The following ARHGAP17 variants were observed in gnomAD, a reference collection of about 807,000 sequenced individuals.
ARHGAP17 encodes the protein Rho GTPase activating protein 17.
ARHGAP17 carries 57 observed loss-of-function variants against 99.5 expected under a neutral mutation model. The observed-to-expected ratio is 0.57, with a 90% CI of 0.46 to 0.71. ARHGAP17 has a LOEUF of 0.71. Ranked by LOEUF, ARHGAP17 falls within the 30% of genes least tolerant of loss-of-function variation. The probability of loss-of-function intolerance (pLI) is 0.00; values close to 1 mark genes in which losing one functional copy is unlikely to be tolerated. For missense variants in ARHGAP17, 1,000 were observed against 1,122.4 expected (o/e 0.89, Z 1.56); for synonymous variants, 417 against 429.6 (o/e 0.97, Z 0.36).
chr16:24,951,522 G>A (rs1421144526), intron 12 of ARHGAP17, among the ~76,000 whole-genome samples: 1 of 152,000 alleles, frequency 6.6e-6, no homozygotes, highest in Non-Finnish European at 1.5e-5. Context: ...GGAGATCTCG[G>A]ACAATCTGAA....
intron 1 of ARHGAP17, among the ~76,000 whole-genome samples, chr16:24,999,843 A>T (rs1280846664): frequency 2.6e-5 from 4 of 152,152 alleles, no homozygotes; most frequent in Non-Finnish European, 5.9e-5. Flanking sequence ...GCTTTAACCC[A>T]TTTGGAATGT....
intron 1 of ARHGAP17, among the ~76,000 whole-genome samples, chr16:24,986,067 G>C (rs8051830): frequency 0.5 from 75,672 of 151,964 alleles, 20,422 homozygotes; most frequent in African/African-American, 0.72. Context: ...GAAGACAGTT[G>C]AAGACCGTCA....
intron 18 of ARHGAP17, 66 bp downstream of exon 18, chr16:24,935,404 C>G: frequency 2.0e-6 from 3 of 1,490,802 alleles, no homozygotes; most frequent in Non-Finnish European, 2.7e-6. Flanking sequence ...CCATCTGAAT[C>G]CTTGCACTAA....
intron 3 of ARHGAP17, among the ~76,000 whole-genome samples, chr16:24,976,394 G>A (rs985431968): frequency 1.3e-5 from 2 of 152,116 alleles, no homozygotes; most frequent in Non-Finnish European, 2.9e-5. Flanking sequence ...GCCAGGCATG[G>A]TGGTGTGTAC....
intron 1 of ARHGAP17, among the ~76,000 whole-genome samples, chr16:24,989,952 T>C (rs2052987526): frequency 6.6e-6 from 1 of 152,208 alleles, no homozygotes; most frequent in African/African-American, 2.4e-5. Flanking sequence ...TCTATAGCAC[T>C]GTAGGGTGAA....
intron 10 of ARHGAP17, 74 bp downstream of exon 10, chr16:24,954,529 G>A: frequency 2.0e-6 from 3 of 1,537,784 alleles, no homozygotes; most frequent in Non-Finnish European, 2.6e-6. Context: ...CAGGGGGCTG[G>A]CGGGGAGCAT....
chr16:25,009,593 A>G (rs2053592535), intron 1 of ARHGAP17, among the ~76,000 whole-genome samples: 1 of 152,036 alleles, frequency 6.6e-6, no homozygotes, highest in South Asian at 2.1e-4. Context: ...ACACATTTTG[A>G]CTCAGTGTGA....
At chr16:24,996,852 G>A (rs1416319473) in intron 1 of ARHGAP17, among the ~76,000 whole-genome samples, 3 of 151,822 alleles carry the variant, frequency 2.0e-5, no homozygotes, top group East Asian at 1.9e-4. Context: ...TTGGAAGGCC[G>A]AGGCAGGAGG....
At chr16:24,979,990 C>T (rs1232159795) in intron 1 of ARHGAP17, among the ~76,000 whole-genome samples, 3 of 152,184 alleles carry the variant, frequency 2.0e-5, no homozygotes, top group Admixed American at 1.3e-4. Flanking sequence ...GGATTACATG[C>T]GTGAGCCACC....
At chr16:24,982,990 A>ATTTT (rs1450608573) in intron 1 of ARHGAP17, among the ~76,000 whole-genome samples, 15 of 32,464 alleles carry the variant, frequency 4.6e-4, no homozygotes, top group African/African-American at 1.8e-3. Flanking sequence ...ATATATATAT[A>ATTTT]TATATATTTT....
intron 19 of ARHGAP17, 177 bp downstream of exon 19, chr16:24,930,607 G>C (rs2050954640): frequency 9.5e-7 from 1 of 1,052,530 alleles, no homozygotes; most frequent in South Asian, 1.3e-5. Flanking sequence ...TTAACAAATG[G>C]GTGTAGCTGT....
At chr16:25,013,395 G>A (rs906857378) in intron 1 of ARHGAP17, among the ~76,000 whole-genome samples, 11 of 152,206 alleles carry the variant, frequency 7.2e-5, no homozygotes, top group Non-Finnish European at 1.3e-4. Context: ...GGCCAAGGCA[G>A]GCAGATCAGT....
chr16:24,963,105 G>A (rs1035946), intron 7 of ARHGAP17, among the ~76,000 whole-genome samples: 122,928 of 152,264 alleles, frequency 0.81, 50,142 homozygotes, highest in African/African-American at 0.89. Flanking sequence ...GCAATAGCCA[G>A]GATCTAGGTT....
chr16:24,990,251 A>G (rs1297461552), intron 1 of ARHGAP17, among the ~76,000 whole-genome samples: 2 of 152,198 alleles, frequency 1.3e-5, no homozygotes, highest in African/African-American at 4.8e-5. Flanking sequence ...CTGGGAGGCC[A>G]AAGTGGGAGA....
chr16:24,959,712 G>A lies in ARHGAP17; in HGVS notation c.683C>T (p.Ala228Val). The change falls in exon 9 of 20, where the codon GCA becomes GTA. Residue 228 changes from alanine to valine, a missense_variant. Around this residue, in one of 2 missense-constraint regions of ARHGAP17, gnomAD observed 472 missense variants for 611.1 expected, o/e 0.77. Transcript: ENST00000289968. ...TTCGGGGAGGGTCTTTTCTAAGACT[G>A]CTAATGCTTTTCTATGGTAATCTGC... ...AQADYHRKAL[A>V]VLEKTLPEMR... 1 of 1,614,104 alleles carries A rather than the reference G, an allele frequency of 6.2e-7. No individual in the cohort carries two copies. Among genetic ancestry groups the A allele is most frequent in the Admixed American group, 1.7e-5 (1 of 60,020 alleles).
At chr16:24,951,577 C>A (rs905528582) in intron 12 of ARHGAP17, among the ~76,000 whole-genome samples, 2 of 152,114 alleles carry the variant, frequency 1.3e-5, no homozygotes, top group Non-Finnish European at 2.9e-5. Flanking sequence ...GAAGACCAAC[C>A]CCTTCACTTT....
At chr16:24,920,827 G>A (rs1382693124) in intron 19 of ARHGAP17, 6 of 152,526 alleles carry the variant, frequency 3.9e-5, no homozygotes, top group African/African-American at 9.7e-5. Flanking sequence ...ACAGATCACT[G>A]GGGAAGTTTA....
At chr16:24,999,525 T>G (rs56321948) in intron 1 of ARHGAP17, among the ~76,000 whole-genome samples, 10,153 of 152,112 alleles carry the variant, frequency 0.067, 425 homozygotes, top group Middle Eastern at 0.13. Flanking sequence ...TAAGGATTCT[T>G]CTATCTCAGC....
At chr16:25,005,761 A>C (rs775399559) in intron 1 of ARHGAP17, among the ~76,000 whole-genome samples, 1 of 152,262 alleles carries the variant, frequency 6.6e-6, no homozygotes, top group Non-Finnish European at 1.5e-5. Context: ...TTTTGAACTT[A>C]GTGGAAAAAA....
Sources: allele counts gnomAD v4.1 joint callset (sites outside exome capture counted in the v4.1 genomes callset), GRCh38; gene constraint gnomAD v4.1.1; regional missense constraint gnomAD v4.1.1; transcripts MANE v1.5; gene names NCBI Gene and HGNC (gene_info 2026-07-23, HGNC 2026-07-21).